Variants in GALNT16 observed in about 807,000 individuals in gnomAD.
GALNT16 encodes the protein UDP-GalNAc:polypeptide N-acetylgalactosaminyltransferase-like protein 1.
GALNT16 carries 40 observed loss-of-function variants against 76.1 expected under a neutral mutation model. The ratio of observed to expected loss-of-function variants is 0.53; its 90% CI spans 0.41 to 0.68. GALNT16 has a LOEUF of 0.68. Among genes scored for constraint, GALNT16 ranks in the 30% least tolerant of loss-of-function variants. GALNT16 has a pLI of 0.00. For synonymous variants in GALNT16, 276 were observed against 285.2 expected (o/e 0.97, Z 0.32); for missense variants, 621 against 731.9 (o/e 0.85, Z 1.75).
rs576859013 is a variant in GALNT16, at chr14:69,352,347, C to G, written c.*179C>G. Reference sequence around the variant, plus strand: ...TGTTCTAGGAGGGCGCAGGCGGGCACGCCCCGATGCCCTCAGTGCTGTCCT... The same window carrying G: ...TGTTCTAGGAGGGCGCAGGCGGGCAGGCCCCGATGCCCTCAGTGCTGTCCT... On this transcript the variant is annotated 3_prime_UTR_variant, in exon 15 of 15. Transcript: ENST00000448469. 1 of 621,590 alleles carries G rather than the reference C, an allele frequency of 1.6e-6. No homozygotes were observed. The highest frequency in any genetic ancestry group is 2.8e-5 in the East Asian group (1 of 35,538). The allele number at this position is 621,590 out of a possible 1,614,324, so 38.5% of individuals were successfully genotyped here.
At chr14:69,316,274 A>G (rs1379905377) in intron 1 of GALNT16, among the ~76,000 whole-genome samples, 2 of 152,126 alleles carry the variant, frequency 1.3e-5, no homozygotes, top group African/African-American at 4.8e-5. Context: ...GGAAAGGAGG[A>G]AGGAGAGGCT....
At chr14:69,365,082 A>C in the GALNT16 span, among the ~76,000 whole-genome samples, 1 of 152,136 alleles carries the variant, frequency 6.6e-6, no homozygotes, top group Non-Finnish European at 1.5e-5. Flanking sequence ...GTTTCTGTAA[A>C]CCACTTACTC....
Position 69,324,803 on chromosome 14 carries a change from A to G in GALNT16, c.434+13A>G, listed in dbSNP as rs755157899. 64 of 1,548,188 alleles carry G rather than the reference A, an allele frequency of 4.1e-5. No individual in the cohort carries two copies. Among genetic ancestry groups the G allele is most frequent in the Non-Finnish European group, 5.1e-5 (58 of 1,131,418 alleles). ...GCACAGTGAAGAGGTAAGTCCAGCC[A>G]TGGGACTCTCATCTCAGTGGTGCTG... is the stretch of plus-strand genomic sequence containing the variant. On this transcript the variant is annotated intron_variant, in intron 3 of 14. Transcript: ENST00000448469.
chr14:69,316,531 G>C (rs1216995940), intron 1 of GALNT16, among the ~76,000 whole-genome samples: 2 of 152,194 alleles, frequency 1.3e-5, no homozygotes, highest in Admixed American at 6.5e-5. Context: ...TGAGAGGGTC[G>C]GGTTGGGGTC....
chr14:69,378,907 T>A, the GALNT16 span, among the ~76,000 whole-genome samples: 1 of 152,156 alleles, frequency 6.6e-6, no homozygotes, highest in African/African-American at 2.4e-5. Flanking sequence ...TACTTTTGGA[T>A]CTATTTCTTT....
chr14:69,342,030 T>C (rs976449425), intron 12 of GALNT16, among the ~76,000 whole-genome samples: 8 of 152,216 alleles, frequency 5.3e-5, no homozygotes, highest in African/African-American at 1.7e-4. Context: ...CTGCATTACA[T>C]AGCAAAGGCT....
chr14:69,289,258 C>T (rs2044658930), intron 1 of GALNT16, among the ~76,000 whole-genome samples: 1 of 152,088 alleles, frequency 6.6e-6, no homozygotes, highest in Non-Finnish European at 1.5e-5. Context: ...TGGCTGAGTC[C>T]ATGTGGAAGT....
rs768418871 is a variant in GALNT16 at position 69,331,571 on chromosome 14, G to T, written c.778+20G>T. 6 of 1,420,824 alleles carry T rather than the reference G, an allele frequency of 4.2e-6. No homozygotes were observed. The African/African-American group carries it at 5.6e-5, about 13-fold the overall frequency. The allele number at this position is 1,420,824 out of a possible 1,614,324, so 88.0% of individuals were successfully genotyped here. A position where few individuals can be genotyped will look rare whatever the true frequency, so the allele number is the denominator to read the frequency against. ...GTGGAGGTGAGTTCTGCTCCCGGGG[G>T]TGGGGCTGTAGACATGAAAGGAGGT... On this transcript the variant is annotated intron_variant, in intron 7 of 14. Coordinates refer to ENST00000448469, the MANE Select transcript of GALNT16 (RefSeq NM_001168368.2).
Position 69,260,345 on chromosome 14 carries a change from G to A in GALNT16, c.55G>A (p.Gly19Ser), listed in dbSNP as rs1199024574. Residue 19 changes from glycine (G) to serine (S), a missense_variant, in exon 1 of 15, where the codon GGC (glycine) becomes AGC (serine). Gly to Ser is a moderately conservative substitution (Grantham distance 56). Coordinates refer to ENST00000448469, the MANE Select transcript of GALNT16 (RefSeq NM_001168368.2). Reference protein sequence around the residue: ...IAILTVAWILGTFYYLWQDNR... With the variant: ...IAILTVAWILSTFYYLWQDNR... Reference sequence around the variant, plus strand: ...CATCCTGACCGTAGCCTGGATCCTGGGCACTTTCTACTACTTATGGCAGGA... The same window carrying A: ...CATCCTGACCGTAGCCTGGATCCTGAGCACTTTCTACTACTTATGGCAGGA... 6.2e-7 allele frequency: 1 copy of A among 1,612,930 alleles called. No individual in the cohort carries two copies. Among genetic ancestry groups the A allele is most frequent in the Non-Finnish European group, 8.5e-7 (1 of 1,179,512 alleles).
In GALNT16 at chr14:69,322,992, GCGCGCACGCA is replaced by G. The variant is rs1450631713; in HGVS notation, c.336-1699_336-1690del. 3.5e-4 allele frequency among the ~76,000 whole-genome samples: 13 copies of G among 37,414 alleles called. 1 individual carries two copies. In the African/African-American group the frequency reaches 4.4e-3, roughly 13 times the overall value. The allele number at this position is 37,414 out of a possible 152,430, so 24.5% of individuals were successfully genotyped here. A position where few individuals can be genotyped will look rare whatever the true frequency, so the allele number is the denominator to read the frequency against. Reference sequence around the variant, plus strand: ...TGTGTGTGTGTGTGTGCGCGCGCACGCGCGCACGCATGCACACGTGTAGGGAAGCAAAGGA... The same window carrying G: ...TGTGTGTGTGTGTGTGCGCGCGCACGTGCACACGTGTAGGGAAGCAAAGGA... On this transcript the variant is annotated intron_variant, in intron 2 of 14. Transcript: ENST00000448469.
At chr14:69,325,510 C>A (rs1343216711) in intron 4 of GALNT16, 106 bp downstream of exon 4, 23 of 765,292 alleles carry the variant, frequency 3.0e-5, no homozygotes, top group African/African-American at 1.0e-4. Flanking sequence ...TCGCAGACAC[C>A]TTTCTGCCCC....
the GALNT16 span, among the ~76,000 whole-genome samples, chr14:69,381,276 AAAC>A: frequency 2.0e-5 from 3 of 152,222 alleles, no homozygotes; most frequent in Admixed American, 6.5e-5. Flanking sequence ...AAAAAAACAA[AAAC>A]AACAATACTA....
chr14:69,324,333 AC>A (rs1252177948), intron 2 of GALNT16, among the ~76,000 whole-genome samples: 1 of 151,560 alleles, frequency 6.6e-6, no homozygotes, highest in African/African-American at 2.4e-5. Flanking sequence ...TCTCGCACAT[AC>A]CCCCCACCAT....
At chr14:69,364,306 CAGGCATAGG>C in the GALNT16 span, among the ~76,000 whole-genome samples, 1 of 152,148 alleles carries the variant, frequency 6.6e-6, no homozygotes, top group Non-Finnish European at 1.5e-5. This position sits in a 1 kb window ranked among gnomAD's most constrained non-coding sequence, Gnocchi z 4.2. Context: ...TCTTTTTCAT[CAGGCATAGG>C]AGACACAGCA....
chr14:69,275,882 T>A (rs1361031201), intron 1 of GALNT16, among the ~76,000 whole-genome samples: 1 of 152,174 alleles, frequency 6.6e-6, no homozygotes. Context: ...ACGCTGCTGA[T>A]AAAGGCATAC....
At chr14:69,295,372 G>A (rs990682259) in intron 1 of GALNT16, among the ~76,000 whole-genome samples, 4 of 139,722 alleles carry the variant, frequency 2.9e-5, no homozygotes, top group African/African-American at 8.2e-5. Flanking sequence ...CTGAGATTGC[G>A]CCCCTGCACT....
At chr14:69,314,591 T>A (rs1440715100) in intron 1 of GALNT16, among the ~76,000 whole-genome samples, 2 of 152,260 alleles carry the variant, frequency 1.3e-5, no homozygotes, top group African/African-American at 4.8e-5. Flanking sequence ...GGTTGGCTAC[T>A]TCCTGAGGCA....
At chr14:69,274,541 T>G (rs34842688) in intron 1 of GALNT16, among the ~76,000 whole-genome samples, 59,042 of 151,910 alleles carry the variant, frequency 0.39, 11,823 homozygotes, top group Non-Finnish European at 0.42. Flanking sequence ...GCAAAAGACC[T>G]CAGTTCTCCA....
intron 1 of GALNT16, among the ~76,000 whole-genome samples, chr14:69,306,683 A>G (rs144467322): frequency 1.4e-3 from 210 of 152,316 alleles, no homozygotes; most frequent in African/African-American, 4.9e-3. Context: ...GAGAGGGCAT[A>G]TTTACCCTTG....
Sources: gnomAD v4.1 joint callset for allele counts (sites outside exome capture counted in the v4.1 genomes callset) on GRCh38, gnomAD v4.1.1 for gene constraint, Gnocchi (gnomAD v3.1) non-coding constraint, MANE v1.5 for transcripts, NCBI Gene and HGNC (gene_info 2026-07-23, HGNC 2026-07-21) for gene names.